NEDD9: variants seen among roughly 807,000 people sequenced by gnomAD.
NEDD9 encodes enhancer of filamentation 1.
Under a neutral mutation model 76.6 loss-of-function variants are expected in NEDD9, and 26 were observed. The observed-to-expected ratio is 0.34, with a 90% CI of 0.25 to 0.47. NEDD9 has a LOEUF of 0.47. NEDD9 is among the 20% of genes least tolerant of loss of function. The pLI is 1.00. For missense variants in NEDD9, 937 were observed against 1,058.5 expected (o/e 0.89, Z 1.59); for synonymous variants, 392 against 414.2 (o/e 0.95, Z 0.65).
chr6:11,367,268 T>C (rs1038077330), intron 1 of NEDD9, among the ~76,000 whole-genome samples: 1 of 152,210 alleles, frequency 6.6e-6, no homozygotes, highest in Non-Finnish European at 1.5e-5. Flanking sequence ...GTGATTTAGT[T>C]TCTGGGATTA....
intron 1 of NEDD9, among the ~76,000 whole-genome samples, chr6:11,219,773 C>G (rs548969227): frequency 1.9e-4 from 29 of 152,358 alleles, no homozygotes; most frequent in African/African-American, 7.0e-4. Context: ...GGCTACATTT[C>G]TCCTTTCCTT....
At chr6:11,301,329 T>C (rs574948005) in intron 3 of NEDD9, among the ~76,000 whole-genome samples, 1 of 152,292 alleles carries the variant, frequency 6.6e-6, no homozygotes, top group African/African-American at 2.4e-5. Context: ...ATCCTAAATA[T>C]ATATGCACCC....
intron 2 of NEDD9, among the ~76,000 whole-genome samples, chr6:11,327,759 T>C (rs1332466614): frequency 6.6e-6 from 1 of 152,236 alleles, no homozygotes; most frequent in Non-Finnish European, 1.5e-5. Context: ...CAATCCCTCA[T>C]GCTAGGGTGC....
intron 6 of NEDD9, among the ~76,000 whole-genome samples, chr6:11,186,993 C>T (rs1274688907): frequency 6.6e-6 from 1 of 152,190 alleles, no homozygotes; most frequent in Non-Finnish European, 1.5e-5. Context: ...CAAAGCCCTG[C>T]AGTCTTACCT....
At chr6:11,258,294 T>C (rs1034255736) in intron 3 of NEDD9, among the ~76,000 whole-genome samples, 1 of 152,208 alleles carries the variant, frequency 6.6e-6, no homozygotes, top group South Asian at 2.1e-4. Context: ...CCACCAAGGC[T>C]TTTACATCAA....
rs1363409145 is a variant in NEDD9 at position 11,241,258 on chromosome 6, T to C, written c.13-27531A>G. ...GGGGAGCAAAGGCATCAGGTCTTCT[T>C]CTTGCTAACCTTTGTGCTTCCTCTA... On this transcript the variant is annotated intron_variant, in intron 3 of 3. Transcript: ENST00000397378. The surrounding 1 kb of genome is among the most constrained non-coding windows in gnomAD (Gnocchi z 4.0). Among the ~76,000 whole-genome samples, 3 of 152,206 alleles carry C rather than the reference T, an allele frequency of 2.0e-5. No homozygotes were observed. Among genetic ancestry groups the C allele is most frequent in the African/African-American group, 7.2e-5 (3 of 41,434 alleles).
intron 1 of NEDD9, among the ~76,000 whole-genome samples, chr6:11,374,763 T>A (rs1264936713): frequency 4.6e-5 from 7 of 152,242 alleles, no homozygotes; most frequent in Non-Finnish European, 1.5e-5. Context: ...AACAATACTT[T>A]TGTAAATTAA....
At chr6:11,246,336 C>T (rs1054392882) in intron 3 of NEDD9, among the ~76,000 whole-genome samples, 1 of 152,202 alleles carries the variant, frequency 6.6e-6, no homozygotes, top group Non-Finnish European at 1.5e-5. Context: ...TCTCTCTCAT[C>T]CTCCCTGACA....
At chr6:11,289,957 A>G (rs1760731405) in intron 3 of NEDD9, among the ~76,000 whole-genome samples, 1 of 152,222 alleles carries the variant, frequency 6.6e-6, no homozygotes, top group Admixed American at 6.5e-5. Context: ...TCCTATAGAT[A>G]TATAACCTCT....
chr6:11,351,259 A>T lies in NEDD9; in HGVS notation c.-213-16698T>A, dbSNP rs149829720. Among the ~76,000 whole-genome samples the T allele has an allele frequency of 7.3e-3, 1,110 of 152,250 alleles. 10 individuals carry two copies. Among genetic ancestry groups the T allele is most frequent in the African/African-American group, 0.025 (1,056 of 41,536 alleles). ...CAGGAAAGAAAGCTGAGCTCTTTGCATATTTAGGGAACTGCCAGGAGTCCC... is the reference window on the plus strand; with the variant it reads ...CAGGAAAGAAAGCTGAGCTCTTTGCTTATTTAGGGAACTGCCAGGAGTCCC... On this transcript the variant is annotated intron_variant, in intron 1 of 3. Transcript: ENST00000397378.
chr6:11,315,365 C>G (rs1458826097), intron 2 of NEDD9, among the ~76,000 whole-genome samples: 2 of 152,182 alleles, frequency 1.3e-5, no homozygotes, highest in Non-Finnish European at 2.9e-5. Context: ...TGCTCTTTGG[C>G]AGGAAAGACT....
intron 3 of NEDD9, among the ~76,000 whole-genome samples, chr6:11,289,514 G>A (rs769479431): frequency 2.6e-5 from 4 of 152,192 alleles, no homozygotes; most frequent in East Asian, 1.9e-4. Flanking sequence ...ATGCAGTGGC[G>A]CGATCTTGGC....
Position 11,190,369 on chromosome 6 carries a change from A to C in NEDD9, c.1500T>G (p.Ser500Arg). The change falls in exon 5 of 7, where the codon AGT becomes AGG. Residue 500 changes from serine (S) to arginine (R), a missense_variant. Physicochemically the swap from Ser to Arg is moderately radical, Grantham distance 110 (BLOSUM62 -1). Coordinates refer to ENST00000379446, the MANE Select transcript of NEDD9 (RefSeq NM_006403.4). The surrounding 1 kb of genome is among the most constrained non-coding windows in gnomAD (Gnocchi z 5.8). ...QRVEDSHQILSQTSHDLNECS... is the reference protein window; with the variant it reads ...QRVEDSHQILRQTSHDLNECS... ...ACTCATTTAAGTCATGGCTGGTTTG[A>C]CTCAGGATCTGGTGGGAGTCTTCAA... 1 of 1,614,012 alleles carries C rather than the reference A, an allele frequency of 6.2e-7. No individual in the cohort carries two copies. The highest frequency in any genetic ancestry group is 2.2e-5 in the East Asian group (1 of 44,878).
intron 3 of NEDD9, among the ~76,000 whole-genome samples, chr6:11,276,229 A>G (rs1760413755): frequency 6.6e-6 from 1 of 152,256 alleles, no homozygotes; most frequent in Non-Finnish European, 1.5e-5. Context: ...AGTCTTGATT[A>G]AGAGAAATGC....
chr6:11,361,857 C>G (rs1327106861), intron 1 of NEDD9, among the ~76,000 whole-genome samples: 2 of 152,000 alleles, frequency 1.3e-5, no homozygotes, highest in Non-Finnish European at 2.9e-5. Context: ...CTGAGATGGG[C>G]TGGGGTGTTC....
chr6:11,370,840 T>C lies in NEDD9; in HGVS notation c.-214+11299A>G. Among the ~76,000 whole-genome samples the C allele has an allele frequency of 6.6e-6, 1 of 152,174 alleles. No individual in the cohort carries two copies. Among genetic ancestry groups the C allele is most frequent in the East Asian group, 1.9e-4 (1 of 5,194 alleles). ...AACAGACCATAAGCCAGTACGTCAG[T>C]CTGCACGGCGTCGGGTGGTGTTGAG... On this transcript the variant is annotated intron_variant, in intron 1 of 3. Transcript: ENST00000397378. This position sits in a 1 kb window ranked among gnomAD's most constrained non-coding sequence, Gnocchi z 4.2.
chr6:11,270,368 T>A (rs1376091258), intron 3 of NEDD9, among the ~76,000 whole-genome samples: 4 of 86,700 alleles, frequency 4.6e-5, no homozygotes, highest in Non-Finnish European at 9.4e-5. Flanking sequence ...CCCCTCAACC[T>A]TTTTTTTTTT....
chr6:11,247,398 C>G (rs534573246), intron 3 of NEDD9, among the ~76,000 whole-genome samples: 1 of 152,146 alleles, frequency 6.6e-6, no homozygotes, highest in Non-Finnish European at 1.5e-5. Context: ...TAGAAGTAGG[C>G]GATCCACTAT....
intron 1 of NEDD9, among the ~76,000 whole-genome samples, chr6:11,232,199 C>T (rs148917546): frequency 2.4e-4 from 36 of 152,314 alleles, no homozygotes; most frequent in African/African-American, 7.9e-4. Flanking sequence ...CGATTCAAGT[C>T]AGACACCCTC....
Sources: allele counts gnomAD v4.1 joint callset (sites outside exome capture counted in the v4.1 genomes callset), GRCh38; gene constraint gnomAD v4.1.1; non-coding constraint Gnocchi (gnomAD v3.1); transcripts MANE v1.5; gene names NCBI Gene and HGNC (gene_info 2026-07-23, HGNC 2026-07-21).